SLC35F2: variants seen among roughly 807,000 people sequenced by gnomAD.
SLC35F2 encodes the protein solute carrier family 35 member F2, also known as queuine/queuosine transporter SLC35F2.
Under a neutral mutation model 38.1 loss-of-function variants are expected in SLC35F2, and 25 were observed. The observed-to-expected ratio is 0.66, with a 90% CI of 0.48 to 0.92. SLC35F2 has a LOEUF of 0.92. Among genes scored for constraint, SLC35F2 ranks in the 40% least tolerant of loss-of-function variants. The pLI is 0.00. For missense variants in SLC35F2, 409 were observed against 452.9 expected, an observed-to-expected ratio of 0.90 and a Z score of 0.88; for synonymous variants, 173 against 181.7, an observed-to-expected ratio of 0.95 and a Z score of 0.38.
chr11:107,857,761 AAC>A (rs1860316534), intron 1 of SLC35F2, among the ~76,000 whole-genome samples: 1 of 152,178 alleles, frequency 6.6e-6, no homozygotes, highest in Admixed American at 6.5e-5. Context: ...CTACGGCTTG[AAC>A]GCATCACCCC....
chr11:107,818,713 C>T (rs181655308), intron 1 of SLC35F2, among the ~76,000 whole-genome samples: 283 of 152,296 alleles, frequency 1.9e-3, no homozygotes, highest in African/African-American at 6.6e-3. Context: ...TACCACATGA[C>T]TACATCATGC....
At chr11:107,810,475 G>C (rs1361029847) in intron 3 of SLC35F2, 1 of 984,234 alleles carries the variant, frequency 1.0e-6, no homozygotes, top group African/African-American at 1.7e-5. Flanking sequence ...GATGTGACAA[G>C]AAAATACCAT....
chr11:107,809,918 G>A, intron 3 of SLC35F2: 1 of 985,356 alleles, frequency 1.0e-6, no homozygotes. Context: ...GCCATGAGTG[G>A]GAAATGGGTT....
chr11:107,799,126 G>GT, intron 7 of SLC35F2, among the ~76,000 whole-genome samples: 1 of 152,112 alleles, frequency 6.6e-6, no homozygotes. Flanking sequence ...TATGCTCTGA[G>GT]TTTTTTCTAC....
chr11:107,849,824 A>G (rs1409043367), intron 1 of SLC35F2, among the ~76,000 whole-genome samples: 1 of 152,106 alleles, frequency 6.6e-6, no homozygotes, highest in Admixed American at 6.6e-5. Context: ...GAAGAAGGAG[A>G]CTACAGCCTG....
At chr11:107,815,464 A>G (rs115373862) in intron 2 of SLC35F2, among the ~76,000 whole-genome samples, 6,431 of 151,486 alleles carry the variant, frequency 0.042, 226 homozygotes, top group African/African-American at 0.096. Flanking sequence ...AGGCTGAGGT[A>G]ATTGGATCAC....
At chr11:107,814,752 C>T (rs924687420) in intron 2 of SLC35F2, among the ~76,000 whole-genome samples, 1 of 152,122 alleles carries the variant, frequency 6.6e-6, no homozygotes, top group African/African-American at 2.4e-5. Flanking sequence ...TACTTGAGTT[C>T]AGGAATTCGA....
intron 1 of SLC35F2, among the ~76,000 whole-genome samples, chr11:107,842,257 C>CAAAAAAAAAAA (rs541185009): frequency 0.02 from 764 of 37,902 alleles, 228 homozygotes; most frequent in African/African-American, 0.024. Flanking sequence ...CTCCGTCTCA[C>CAAAAAAAAAAA]AAAAAAAAAA....
At chr11:107,849,634 G>T (rs1210665852) in intron 1 of SLC35F2, among the ~76,000 whole-genome samples, 1 of 70,510 alleles carries the variant, frequency 1.4e-5, no homozygotes, top group Non-Finnish European at 2.8e-5. Context: ...GCAAGACTCC[G>T]TTTTGGGAAA....
At chr11:107,810,248 TA>T in intron 3 of SLC35F2, 1 of 985,398 alleles carries the variant, frequency 1.0e-6, no homozygotes, top group Non-Finnish European at 1.2e-6. Context: ...ACCAAATGCT[TA>T]GGTTTTTCTA....
chr11:107,836,665 T>C (rs1032803984), intron 1 of SLC35F2, among the ~76,000 whole-genome samples: 10 of 152,176 alleles, frequency 6.6e-5, no homozygotes, highest in African/African-American at 1.9e-4. Context: ...AGGCCAGGAA[T>C]TGATTCTCCC....
intron 1 of SLC35F2, among the ~76,000 whole-genome samples, chr11:107,833,909 A>G (rs1377445898): frequency 6.6e-6 from 1 of 152,242 alleles, no homozygotes; most frequent in Non-Finnish European, 1.5e-5. Context: ...GAGATAAACA[A>G]TTTAAAAAGA....
At chr11:107,806,589 A>T (rs538464094) in intron 4 of SLC35F2, 128 bp downstream of exon 4, 1 of 818,502 alleles carries the variant, frequency 1.2e-6, no homozygotes, top group South Asian at 1.4e-5. Flanking sequence ...AAAGTGTGGC[A>T]AAGTGTTCTC....
intron 7 of SLC35F2, among the ~76,000 whole-genome samples, chr11:107,795,929 T>C (rs908116587): frequency 1.3e-5 from 2 of 151,902 alleles, no homozygotes; most frequent in Non-Finnish European, 2.9e-5. Context: ...AGGTCAAGAG[T>C]TCGAGACCAG....
chr11:107,791,865 G>A lies in SLC35F2; in HGVS notation c.*750C>T, dbSNP rs1859137347. The A allele has an allele frequency of 6.6e-6, 1 of 151,958 alleles. No individual in the cohort carries two copies. Among genetic ancestry groups the A allele is most frequent in the African/African-American group, 2.4e-5 (1 of 41,388 alleles). 9.4% of individuals were successfully genotyped at this position (151,958 alleles called of 1,614,324 possible). A position where few individuals can be genotyped will look rare whatever the true frequency, so the allele number is the denominator to read the frequency against. On this transcript the variant is annotated 3_prime_UTR_variant, in exon 8 of 8. Transcript: ENST00000525815. ...ATGTCTACTAAAAATACAAAACTTA[G>A]CTGGGCGTGGGGCCACATGCTTTTG...
intron 1 of SLC35F2, among the ~76,000 whole-genome samples, chr11:107,822,918 A>G (rs1319614903): frequency 6.6e-6 from 1 of 152,072 alleles, no homozygotes; most frequent in Non-Finnish European, 1.5e-5. Context: ...GTTTGTGCCT[A>G]ATTTAAACAC....
rs577855801 is a variant in SLC35F2 at position 107,857,849 on chromosome 11, T to C, written c.110+809A>G. ...TCCAGCGGCAAAGTGGATATAACAA[T>C]AGTACCATCTCCTAAAGTGGTGAGG... is the stretch of plus-strand genomic sequence containing the variant. On this transcript the variant is annotated intron_variant, in intron 1 of 7. Coordinates refer to ENST00000525815, the MANE Select transcript of SLC35F2 (RefSeq NM_017515.5). 9.8e-5 allele frequency among the ~76,000 whole-genome samples: 15 copies of C among 152,286 alleles called. No homozygotes were observed. In the South Asian group the frequency reaches 3.1e-3, roughly 32 times the overall value.
chr11:107,806,621 G>T lies in SLC35F2; in HGVS notation c.574+96C>A, dbSNP rs138290674. ...TCTCACCTACACAGTGACTTAAAAA[G>T]AAATACTCCAGTAAACAAGTTTCTT... On this transcript the variant is annotated intron_variant, in intron 4 of 7. Transcript: ENST00000525815. 2,361 of 1,158,976 alleles carry T rather than the reference G, an allele frequency of 2.0e-3. 3 individuals are homozygous for T. Among genetic ancestry groups the T allele is most frequent in the Non-Finnish European group, 2.7e-3 (2,112 of 774,356 alleles). The allele number at this position is 1,158,976 out of a possible 1,614,324, so 71.8% of individuals were successfully genotyped here. A position where few individuals can be genotyped will look rare whatever the true frequency, so the allele number is the denominator to read the frequency against.
At chr11:107,809,759 G>A in intron 3 of SLC35F2, 2 of 983,064 alleles carry the variant, frequency 2.0e-6, no homozygotes, top group Non-Finnish European at 2.4e-6. Context: ...CTGCGACATG[G>A]GTATAAAAAC....
Sources: gnomAD v4.1 joint callset for allele counts (sites outside exome capture counted in the v4.1 genomes callset) on GRCh38, gnomAD v4.1.1 for gene constraint, MANE v1.5 for transcripts, NCBI Gene and HGNC (gene_info 2026-07-23, HGNC 2026-07-21) for gene names.